The following NELL1 variants were observed in gnomAD, a reference collection of about 807,000 sequenced individuals.
NELL1 encodes protein kinase C-binding protein NELL1.
Under a neutral mutation model 107.4 loss-of-function variants are expected in NELL1, and 76 were observed. That is an observed-to-expected ratio of 0.71 (90% CI 0.59 to 0.86). The LOEUF is 0.86. NELL1 is among the 40% of genes least tolerant of loss of function. The pLI is 0.00. For missense variants in NELL1, 1,024 were observed against 1,005.5 expected (o/e 1.02, Z -0.25); for synonymous variants, 353 against 341.2 (o/e 1.03, Z -0.38).
intron 16 of NELL1, among the ~76,000 whole-genome samples, chr11:21,544,951 G>A (rs1324674637): frequency 6.6e-6 from 1 of 151,528 alleles, no homozygotes; most frequent in Non-Finnish European, 1.5e-5. Flanking sequence ...CTATCAGAAT[G>A]TTTCTACTAT....
chr11:20,808,660 G>C (rs1054514627), intron 3 of NELL1, among the ~76,000 whole-genome samples: 1 of 152,216 alleles, frequency 6.6e-6, no homozygotes, highest in Admixed American at 6.5e-5. Flanking sequence ...TTAACCCATG[G>C]TGGTGAGGCT....
chr11:20,768,980 T>A (rs986102731), intron 2 of NELL1, among the ~76,000 whole-genome samples: 6 of 152,154 alleles, frequency 3.9e-5, no homozygotes, highest in African/African-American at 1.4e-4. Flanking sequence ...TTGAGGACTT[T>A]AAGTAAGGGA....
intron 11 of NELL1, among the ~76,000 whole-genome samples, chr11:20,952,705 A>T (rs1851093064): frequency 6.6e-6 from 1 of 152,162 alleles, no homozygotes; most frequent in African/African-American, 2.4e-5. Context: ...GGAACAGAGG[A>T]TAGTCTTAGT....
intron 12 of NELL1, among the ~76,000 whole-genome samples, chr11:21,068,032 CAAA>C (rs1195285619): frequency 8.4e-4 from 34 of 40,378 alleles, no homozygotes; most frequent in Non-Finnish European, 1.1e-3. Flanking sequence ...GATGCCATCT[CAAA>C]AAAAAAAAAA....
chr11:21,275,745 C>T (rs1481044447), intron 14 of NELL1, among the ~76,000 whole-genome samples: 3 of 152,174 alleles, frequency 2.0e-5, no homozygotes, highest in Non-Finnish European at 2.9e-5. Flanking sequence ...GCTGGTTCAA[C>T]ATACGCAAAT....
chr11:21,386,605 T>C (rs568559795), intron 15 of NELL1, among the ~76,000 whole-genome samples: 1 of 152,014 alleles, frequency 6.6e-6, no homozygotes, highest in South Asian at 2.1e-4. Flanking sequence ...CGGACTGCAC[T>C]ATTAAGCACT....
At chr11:21,212,938 A>G (rs924099953) in intron 13 of NELL1, among the ~76,000 whole-genome samples, 1 of 152,242 alleles carries the variant, frequency 6.6e-6, no homozygotes, top group Non-Finnish European at 1.5e-5. Flanking sequence ...TACAGAAGGC[A>G]TAATTTTCTA....
intron 13 of NELL1, among the ~76,000 whole-genome samples, chr11:21,144,161 A>C (rs1020255148): frequency 1.3e-5 from 2 of 152,136 alleles, no homozygotes; most frequent in African/African-American, 2.4e-5. Context: ...GAAAATGGGG[A>C]CTGTGTAAGG....
At chr11:21,272,982 A>G (rs1009014318) in intron 14 of NELL1, among the ~76,000 whole-genome samples, 6 of 152,238 alleles carry the variant, frequency 3.9e-5, no homozygotes, top group Non-Finnish European at 7.3e-5. Context: ...TGGAAACTCT[A>G]AAAAGTAGAG....
chr11:21,532,461 A>G (rs1183810111), intron 15 of NELL1, among the ~76,000 whole-genome samples: 5 of 152,180 alleles, frequency 3.3e-5, no homozygotes, highest in African/African-American at 1.2e-4. Flanking sequence ...TTATCCTCCA[A>G]ACTCAGGTGT....
intron 3 of NELL1, among the ~76,000 whole-genome samples, chr11:20,841,798 C>G (rs1156397191): frequency 6.6e-6 from 1 of 152,074 alleles, no homozygotes; most frequent in Admixed American, 6.6e-5. Flanking sequence ...CTTTGCGGAT[C>G]AGATATAATT....
chr11:21,105,587 A>G (rs1194745174), intron 12 of NELL1, among the ~76,000 whole-genome samples: 1 of 152,164 alleles, frequency 6.6e-6, no homozygotes, highest in Non-Finnish European at 1.5e-5. Flanking sequence ...CACAGCTGCC[A>G]GCATTTGCCC....
chr11:21,368,822 C>T (rs1458231557), intron 14 of NELL1, among the ~76,000 whole-genome samples: 1 of 151,998 alleles, frequency 6.6e-6, no homozygotes, highest in Non-Finnish European at 1.5e-5. Context: ...CATAACAATT[C>T]TGTTATCAGC....
intron 14 of NELL1, among the ~76,000 whole-genome samples, chr11:21,293,632 G>T (rs948478206): frequency 2.0e-5 from 3 of 152,154 alleles, no homozygotes; most frequent in African/African-American, 4.8e-5. Flanking sequence ...ACATGCACAT[G>T]TGTGTTTATT....
intron 3 of NELL1, among the ~76,000 whole-genome samples, chr11:20,788,036 T>A (rs1005859092): frequency 1.4e-4 from 21 of 152,044 alleles, no homozygotes; most frequent in Admixed American, 1.0e-3. Flanking sequence ...CTTATGTCAG[T>A]AGTTCACTTC....
intron 14 of NELL1, among the ~76,000 whole-genome samples, chr11:21,317,614 A>G (rs528634685): frequency 2.6e-5 from 4 of 152,054 alleles, no homozygotes; most frequent in African/African-American, 7.2e-5. Context: ...GCGGCATTTG[A>G]CAGCATATAG....
intron 13 of NELL1, among the ~76,000 whole-genome samples, chr11:21,175,426 T>A (rs529319267): frequency 6.6e-6 from 1 of 152,012 alleles, no homozygotes; most frequent in South Asian, 2.1e-4. Flanking sequence ...GAGAAGGGAT[T>A]TCTGGCAAAG....
chr11:21,301,133 C>G (rs1565156134), intron 14 of NELL1, among the ~76,000 whole-genome samples: 1 of 152,144 alleles, frequency 6.6e-6, no homozygotes, highest in Admixed American at 6.6e-5. Context: ...TTTTCTTAAT[C>G]CAGTCTGTCA....
At chr11:21,331,156 A>G (rs1335824192) in intron 14 of NELL1, among the ~76,000 whole-genome samples, 3 of 151,954 alleles carry the variant, frequency 2.0e-5, no homozygotes, top group Non-Finnish European at 2.9e-5. Context: ...TACTTTGAAC[A>G]TATTTATTGT....
Sources: gnomAD v4.1 joint callset for allele counts (sites outside exome capture counted in the v4.1 genomes callset) on GRCh38, gnomAD v4.1.1 for gene constraint, MANE v1.5 for transcripts, NCBI Gene and HGNC (gene_info 2026-07-23, HGNC 2026-07-21) for gene names.